Variants in NBPF9 observed in about 807,000 individuals in gnomAD.
NBPF9 encodes NBPF family member NBPF9.
NBPF9 carries 91 observed loss-of-function variants against 97.8 expected under a neutral mutation model. The observed-to-expected ratio is 0.93, with a 90% CI of 0.79 to 1.11. The LOEUF (loss-of-function observed/expected upper bound fraction) is 1.11. NBPF9 is among the 50% of genes least tolerant of loss of function. The probability of loss-of-function intolerance (pLI) is 0.00; values close to 1 mark genes in which losing one functional copy is unlikely to be tolerated. For synonymous variants in NBPF9, 334 were observed against 359.5 expected (o/e 0.93, Z 0.80); for missense variants, 992 against 939.5 (o/e 1.06, Z -0.73).
intron 5 of NBPF9, among the ~76,000 whole-genome samples, chr1:149,086,634 T>A (rs1450716632): frequency 1.3e-5 from 2 of 152,242 alleles, no homozygotes; most frequent in African/African-American, 2.4e-5. Context: ...AAGAAGTTAA[T>A]CATTTATGTA....
chr1:149,059,806 T>C, exon 25 of NBPF9: 1 of 528,196 alleles, frequency 1.9e-6, no homozygotes, highest in East Asian at 2.7e-5. Context: ...TTCTTTTCAA[T>C]TTCTGCAATA....
intron 7 of NBPF9, among the ~76,000 whole-genome samples, chr1:149,081,234 C>T (rs2080408752): frequency 1.3e-5 from 2 of 152,200 alleles, no homozygotes; most frequent in East Asian, 1.9e-4. Context: ...ATTCTTCTGC[C>T]TCAGCCTCCC....
intron 4 of NBPF9, among the ~76,000 whole-genome samples, chr1:149,097,188 GGGAA>G (rs1215034689): frequency 1.5e-4 from 22 of 151,290 alleles, no homozygotes; most frequent in East Asian, 9.8e-4. Flanking sequence ...GAGAGAAGTA[GGGAA>G]GGAAGGAAGG....
In NBPF9 at chr1:149,063,995, C is replaced by CACACACACACACACAGACACAG. The variant is rs1426877436; in HGVS notation, c.1854-212_1854-191dup. ...GGTAGAAAAGGATGAAAGAGAAAGA[C>CACACACACACACACAGACACAG]ACACACACACACACAGACACAGACA... On this transcript the variant is annotated intron_variant, in intron 19 of 29. Transcript: ENST00000584027. Among the ~76,000 whole-genome samples, 9 of 106,196 alleles carry CACACACACACACACAGACACAG rather than the reference C, an allele frequency of 8.5e-5. 1 individual carries two copies. The highest frequency in any genetic ancestry group is 3.7e-4 in the African/African-American group (9 of 24,540). 69.7% of individuals were successfully genotyped at this position (106,196 alleles called of 152,430 possible). A position where few individuals can be genotyped will look rare whatever the true frequency, so the allele number is the denominator to read the frequency against.
exon 22 of NBPF9, chr1:149,062,262 G>C: frequency 1.3e-6 from 1 of 785,444 alleles, no homozygotes; most frequent in Non-Finnish European, 2.3e-6. Flanking sequence ...GCTCCCTGCT[G>C]AGCCTGGAAA....
chr1:149,098,145 G>A (rs1180232037), intron 4 of NBPF9, among the ~76,000 whole-genome samples: 1 of 151,618 alleles, frequency 6.6e-6, no homozygotes, highest in Non-Finnish European at 1.5e-5. Flanking sequence ...GGGGTAAGAG[G>A]GGAAGAGCAA....
intron 5 of NBPF9, among the ~76,000 whole-genome samples, chr1:149,087,303 A>G (rs2081088389): frequency 1.3e-5 from 2 of 149,728 alleles, no homozygotes; most frequent in African/African-American, 4.9e-5. Context: ...GGAGATGATA[A>G]TCTTCAAAAC....
intron 19 of NBPF9, among the ~76,000 whole-genome samples, chr1:149,064,021 CACACACACACACACACAGAGCG>C: frequency 8.4e-6 from 1 of 118,908 alleles, no homozygotes; most frequent in African/African-American, 3.3e-5. Flanking sequence ...GACACAGACA[CACACACACACACACACAGAGCG>C]AGCTGAGTGA....
exon 4 of NBPF9, chr1:149,098,454 CTCT>C (rs2081935751): frequency 6.7e-7 from 1 of 1,493,630 alleles, no homozygotes; most frequent in Non-Finnish European, 9.0e-7. Flanking sequence ...GATCTGGCAG[CTCT>C]TCATTTGGCC....
chr1:149,060,314 C>G, intron 24 of NBPF9: 1 of 411,254 alleles, frequency 2.4e-6, no homozygotes, highest in Admixed American at 4.1e-5. Context: ...CAGGTATGGC[C>G]TGAGACTAGG....
chr1:149,077,785 G>A lies in NBPF9; in HGVS notation c.566+98C>T, dbSNP rs1349399097. 107 of 1,536,616 alleles carry A rather than the reference G, an allele frequency of 7.0e-5. 1 individual carries two copies. The Admixed American group carries it at 1.2e-3, about 17-fold the overall frequency. On this transcript the variant is annotated intron_variant, in intron 10 of 29. Transcript: ENST00000584027. ...TTTCACATACTGTGGCCAAGGGGAT[G>A]CGGGCTTTTGGCCCACCATAGATGC...
In NBPF9 at chr1:149,060,750, G is replaced by C. The variant is rs1481203101; in HGVS notation, c.2304-55C>G. ...GCCAGGGGAAATCAGACACAACAGA[G>C]CCCCAACTAGGTTTCATGGGTAGCA... On this transcript the variant is annotated intron_variant, in intron 23 of 29. Transcript: ENST00000584027. 1.8e-3 allele frequency: 633 copies of C among 359,718 alleles called. 72 individuals carry two copies. The highest frequency in any genetic ancestry group is 9.4e-3 in the East Asian group (230 of 24,408). The allele number at this position is 359,718 out of a possible 1,614,324, so 22.3% of individuals were successfully genotyped here. A position where few individuals can be genotyped will look rare whatever the true frequency, so the allele number is the denominator to read the frequency against.
At chr1:149,102,885 TAA>T (rs1487674453) in intron 1 of NBPF9, 38 bp from the exon 2 acceptor site, 1 of 151,308 alleles carries the variant, frequency 6.6e-6, no homozygotes, top group Admixed American at 6.6e-5. Flanking sequence ...CGGAGGCCAA[TAA>T]AGACCCCAAC....
intron 29 of NBPF9, 47 bp from the exon 30 acceptor site, chr1:149,055,946 A>G (rs2078196487): frequency 6.2e-7 from 1 of 1,611,752 alleles, no homozygotes; most frequent in African/African-American, 1.3e-5. Context: ...AAAATCAGAC[A>G]CCACAGAGCC....
chr1:149,090,651 A>G, intron 5 of NBPF9, 102 bp downstream of exon 5: 1 of 591,480 alleles, frequency 1.7e-6, no homozygotes, highest in South Asian at 2.1e-5. Flanking sequence ...AACTCAGCTA[A>G]GCATATGGGC....
rs1213859283 is a variant in NBPF9, at chr1:149,103,287, C to T, written c.-843+14G>A. On this transcript the variant is annotated intron_variant, in intron 1 of 29. Transcript: ENST00000584027. ...CGGACTCACCGCCCGCCCGGCCTGG[C>T]GCGGCGCCTTCACCTCGGAAACGCT... 3.1e-4 allele frequency: 47 copies of T among 151,506 alleles called. No homozygotes were observed. The highest frequency in any genetic ancestry group is 3.0e-3 in the Admixed American group (46 of 15,240). The allele number at this position is 151,506 out of a possible 1,614,324, so 9.4% of individuals were successfully genotyped here. A position where few individuals can be genotyped will look rare whatever the true frequency, so the allele number is the denominator to read the frequency against.
intron 18 of NBPF9, chr1:149,064,893 A>G: frequency 1.9e-6 from 1 of 528,086 alleles, no homozygotes. Flanking sequence ...GGGTGCAATG[A>G]ACCAGCTCTT....
exon 30 of NBPF9, chr1:149,055,300 C>T (rs1188398418): frequency 9.4e-6 from 4 of 423,642 alleles, no homozygotes; most frequent in Non-Finnish European, 1.7e-5. Context: ...ATGAGCTAAA[C>T]ACAAAGATGA....
downstream of NBPF9, among the ~76,000 whole-genome samples, chr1:149,053,810 G>A (rs1300571073): frequency 3.4e-5 from 5 of 147,004 alleles, no homozygotes; most frequent in Non-Finnish European, 5.9e-5. Context: ...TCCAAAGGGA[G>A]GAAAACCATC....
Sources: gnomAD v4.1 joint callset for allele counts (sites outside exome capture counted in the v4.1 genomes callset) on GRCh38, gnomAD v4.1.1 for gene constraint, MANE v1.5 for transcripts, NCBI Gene and HGNC (gene_info 2026-07-23, HGNC 2026-07-21) for gene names.